The following KIAA1549L variants were observed in gnomAD, a reference collection of about 807,000 sequenced individuals.
KIAA1549L encodes KIAA1549 like, also known as UPF0606 protein KIAA1549L.
In KIAA1549L, 88 loss-of-function variants were observed where a neutral mutation model predicts 160.7. The ratio of observed to expected loss-of-function variants is 0.55; its 90% CI spans 0.46 to 0.65. The LOEUF (loss-of-function observed/expected upper bound fraction) is 0.65. Among genes scored for constraint, KIAA1549L ranks in the 30% least tolerant of loss-of-function variants. KIAA1549L has a pLI of 0.00. For missense variants in KIAA1549L, 2,258 were observed against 2,437.5 expected, an observed-to-expected ratio of 0.93 and a Z score of 1.55; for synonymous variants, 950 against 976.7, an observed-to-expected ratio of 0.97 and a Z score of 0.51.
At chr11:33,592,105 T>G (rs1307890981) in intron 12 of KIAA1549L, among the ~76,000 whole-genome samples, 1 of 151,576 alleles carries the variant, frequency 6.6e-6, no homozygotes, top group African/African-American at 2.4e-5. Flanking sequence ...CTAAAAAGAG[T>G]GGGGAGAGAA....
intron 1 of KIAA1549L, among the ~76,000 whole-genome samples, chr11:33,391,927 T>C (rs1411059634): frequency 6.6e-6 from 1 of 152,224 alleles, no homozygotes; most frequent in Non-Finnish European, 1.5e-5. Context: ...TTGTCCTAGT[T>C]TGTGAATATG....
At chr11:33,601,336 G>A (rs1488312379) in intron 13 of KIAA1549L, among the ~76,000 whole-genome samples, 1 of 152,108 alleles carries the variant, frequency 6.6e-6, no homozygotes, top group African/African-American at 2.4e-5. Flanking sequence ...ACAGACATCA[G>A]AATTTTAGGA....
intron 1 of KIAA1549L, among the ~76,000 whole-genome samples, chr11:33,474,422 A>C (rs1016913210): frequency 6.6e-6 from 1 of 152,180 alleles, no homozygotes; most frequent in Non-Finnish European, 1.5e-5. Context: ...TCTGTGAGCA[A>C]CTTGAGGGCA....
At chr11:33,632,747 T>TTTTA (rs537181522) in intron 16 of KIAA1549L, among the ~76,000 whole-genome samples, 16 of 151,882 alleles carry the variant, frequency 1.1e-4, no homozygotes, top group Admixed American at 3.9e-4. Flanking sequence ...AATTTTTAAT[T>TTTTA]TTTATTTATT....
intron 16 of KIAA1549L, among the ~76,000 whole-genome samples, chr11:33,620,120 C>T (rs1407008262): frequency 2.6e-5 from 4 of 152,134 alleles, no homozygotes; most frequent in Non-Finnish European, 5.9e-5. Flanking sequence ...GAGAACATTG[C>T]AGATCGTTTT....
At chr11:33,655,723 T>C (rs905028016) in intron 17 of KIAA1549L, among the ~76,000 whole-genome samples, 4 of 152,022 alleles carry the variant, frequency 2.6e-5, no homozygotes, top group African/African-American at 9.7e-5. Flanking sequence ...CTGGGAAGAA[T>C]GGTGAGGAAA....
At chr11:33,418,055 AGGCGTGAGCCACCACACCT>A (rs1554975070) in intron 1 of KIAA1549L, among the ~76,000 whole-genome samples, 1 of 152,220 alleles carries the variant, frequency 6.6e-6, no homozygotes, top group Non-Finnish European at 1.5e-5. Context: ...CTGGGATTAC[AGGCGTGAGCCACCACACCT>A]GGTTCCTATC....
At chr11:33,466,941 G>A (rs958953893) in intron 1 of KIAA1549L, among the ~76,000 whole-genome samples, 1 of 149,680 alleles carries the variant, frequency 6.7e-6, no homozygotes, top group African/African-American at 2.5e-5. Context: ...ACACCGGGAG[G>A]GGGAACATCA....
At chr11:33,614,813 A>G (rs371197844) in intron 15 of KIAA1549L, among the ~76,000 whole-genome samples, 3 of 150,526 alleles carry the variant, frequency 2.0e-5, no homozygotes, top group African/African-American at 4.9e-5. Flanking sequence ...GGGTTTCACC[A>G]TGTTGGGCAG....
chr11:33,625,157 A>G (rs921406531), intron 16 of KIAA1549L, among the ~76,000 whole-genome samples: 408 of 151,670 alleles, frequency 2.7e-3, no homozygotes, highest in Non-Finnish European at 3.8e-3. Flanking sequence ...CCAGTCTATC[A>G]TTGTTGGACA....
Position 33,660,970 on chromosome 11 carries a change from T to G in KIAA1549L, c.6115T>G (p.Ser2039Ala). ...PSSYRNQAWMSYAGENELPSQ... is the reference protein window; with the variant it reads ...PSSYRNQAWMAYAGENELPSQ... ...ATCCTATAGGAACCAGGCCTGGATGTCCTATGCAGGAGAGAATGAGCTCCC... is the reference window on the plus strand; with the variant it reads ...ATCCTATAGGAACCAGGCCTGGATGGCCTATGCAGGAGAGAATGAGCTCCC... Residue 2039 changes from serine (S) to alanine (A), a missense_variant, in exon 20 of 21, where the codon TCC becomes GCC. Ser to Ala is a moderately conservative substitution (Grantham distance 99, BLOSUM62 1). This residue lies in a region of KIAA1549L where 1,359 missense variants were observed against 1,546.6 expected (regional missense o/e 0.88). Coordinates refer to ENST00000658780, the MANE Select transcript of KIAA1549L (RefSeq NM_012194.3). The G allele has an allele frequency of 6.2e-7, 1 of 1,612,276 alleles. No homozygotes were observed. The highest frequency in any genetic ancestry group is 1.3e-5 in the African/African-American group (1 of 75,010).
intron 1 of KIAA1549L, chr11:33,403,420 GAC>G (rs765497261): frequency 0.01 from 277 of 27,106 alleles, 1 homozygote; most frequent in African/African-American, 0.039. Context: ...CAGACACACA[GAC>G]ACGCACACAG....
intron 12 of KIAA1549L, among the ~76,000 whole-genome samples, chr11:33,597,536 A>G (rs2133301198): frequency 6.6e-6 from 1 of 152,284 alleles, no homozygotes; most frequent in South Asian, 2.1e-4. Flanking sequence ...AATCTGGACG[A>G]TTGACAATAG....
At chr11:33,478,485 C>T (rs575574597) in intron 1 of KIAA1549L, among the ~76,000 whole-genome samples, 113 of 152,326 alleles carry the variant, frequency 7.4e-4, no homozygotes, top group African/African-American at 2.6e-3. Context: ...GATTTCAGAG[C>T]TGATGGGCTC....
intron 1 of KIAA1549L, among the ~76,000 whole-genome samples, chr11:33,536,935 T>C (rs1250788954): frequency 2.0e-5 from 3 of 152,192 alleles, no homozygotes; most frequent in African/African-American, 7.2e-5. Context: ...AACAGAAATT[T>C]GCTCCTGTGC....
chr11:33,529,947 T>C (rs1853700248), intron 1 of KIAA1549L, among the ~76,000 whole-genome samples: 2 of 152,122 alleles, frequency 1.3e-5, no homozygotes, highest in Non-Finnish European at 2.9e-5. Context: ...CCTAGTAAGA[T>C]GTTTAGTCTT....
chr11:33,530,123 G>A (rs559910449), intron 1 of KIAA1549L, among the ~76,000 whole-genome samples: 3 of 151,854 alleles, frequency 2.0e-5, no homozygotes, highest in South Asian at 4.2e-4. Context: ...GGCCGGGCGC[G>A]GTGGCTCACG....
At chr11:33,642,487 C>T (rs1393264490) in intron 16 of KIAA1549L, among the ~76,000 whole-genome samples, 3 of 151,960 alleles carry the variant, frequency 2.0e-5, no homozygotes, top group Non-Finnish European at 2.9e-5. Context: ...TCACCCCTGA[C>T]GCATGTGGCC....
At chr11:33,661,636 T>C (rs1310993280) in intron 20 of KIAA1549L, among the ~76,000 whole-genome samples, 1 of 152,112 alleles carries the variant, frequency 6.6e-6, no homozygotes, top group African/African-American at 2.4e-5. Flanking sequence ...TCCCACCACT[T>C]TGGGAGGCTG....
Sources: gnomAD v4.1 joint callset for allele counts (sites outside exome capture counted in the v4.1 genomes callset) on GRCh38, gnomAD v4.1.1 for gene constraint, gnomAD v4.1.1 regional missense constraint, MANE v1.5 for transcripts, NCBI Gene and HGNC (gene_info 2026-07-23, HGNC 2026-07-21) for gene names.